The following HDAC4 variants were observed in gnomAD, a reference collection of about 807,000 sequenced individuals.
HDAC4 encodes the protein histone deacetylase 4.
HDAC4 carries 16 observed loss-of-function variants against 135.1 expected under a neutral mutation model. The ratio of observed to expected loss-of-function variants is 0.12; its 90% CI spans 0.08 to 0.18. The LOEUF is 0.18. HDAC4 is among the 10% of genes least tolerant of loss of function. HDAC4 has a pLI of 1.00. For missense variants in HDAC4, 1,143 were observed against 1,511.8 expected (o/e 0.76, Z 4.05); for synonymous variants, 685 against 653.4 (o/e 1.05, Z -0.74).
intron 1 of HDAC4, among the ~76,000 whole-genome samples, chr2:239,364,964 A>C (rs2125982103): frequency 6.6e-6 from 1 of 152,370 alleles, no homozygotes; most frequent in Middle Eastern, 3.4e-3. Flanking sequence ...AATGGAGAAA[A>C]AACAGGGAAT....
chr2:239,247,070 T>C (rs1022146000), intron 2 of HDAC4, among the ~76,000 whole-genome samples: 16 of 152,202 alleles, frequency 1.1e-4, no homozygotes, highest in African/African-American at 3.9e-4. Context: ...TCTGGATAGG[T>C]TCCCTTCAGT....
chr2:239,056,400 A>C (rs1328775383), intron 24 of HDAC4, among the ~76,000 whole-genome samples: 2 of 152,214 alleles, frequency 1.3e-5, no homozygotes, highest in Non-Finnish European at 2.9e-5. Context: ...TGGTGCTGGG[A>C]AATCAGGACG....
intron 6 of HDAC4, chr2:239,162,410 CTCCTG>C: frequency 2.2e-6 from 1 of 449,160 alleles, no homozygotes; most frequent in Admixed American, 2.4e-5. Context: ...ACGATCCACA[CTCCTG>C]TCCCTTGCTC....
intron 20 of HDAC4, among the ~76,000 whole-genome samples, chr2:239,082,806 T>C (rs1245764201): frequency 6.6e-6 from 1 of 152,078 alleles, no homozygotes; most frequent in Non-Finnish European, 1.5e-5. Flanking sequence ...AACCCACAGG[T>C]CAGATGCAGC....
intron 5 of HDAC4, among the ~76,000 whole-genome samples, chr2:239,164,942 G>A (rs1443576108): frequency 1.3e-5 from 2 of 152,158 alleles, no homozygotes; most frequent in African/African-American, 2.4e-5. Context: ...CTACACATAG[G>A]CCAGGCCCGA....
rs796852052 is a variant in HDAC4, at chr2:239,084,463, GCGCACA to G, written c.2445-227_2445-222del. On this transcript the variant is annotated intron_variant, in intron 19 of 26. Transcript: ENST00000543185. ...TGCAGACACACTCACACGCGTGCGC[GCGCACA>G]CACACACACACACACACACAGCTCC... Among the ~76,000 whole-genome samples the G allele has an allele frequency of 0.011, 1,544 of 146,916 alleles. 40 individuals are homozygous for G. The highest frequency in any genetic ancestry group is 0.036 in the African/African-American group (1,456 of 40,082).
At chr2:239,183,179 CTT>C (rs773574106) in intron 4 of HDAC4, among the ~76,000 whole-genome samples, 1 of 152,358 alleles carries the variant, frequency 6.6e-6, no homozygotes, top group Admixed American at 6.5e-5. Context: ...TCTAACCAGA[CTT>C]TAAGTTTACG....
Position 239,139,634 on chromosome 2 carries a change from C to T in HDAC4, c.978+50G>A, listed in dbSNP as rs774158223. On this transcript the variant is annotated intron_variant, in intron 9 of 26. Coordinates refer to ENST00000543185, the MANE Select transcript of HDAC4 (RefSeq NM_001378414.1). The surrounding 1 kb of genome is among the most constrained non-coding windows in gnomAD (Gnocchi z 5.3). The stretch of plus-strand genomic sequence containing the variant: ...GTGGGGTCATTTCAAGCTCATCCGT[C>T]CCGAGTCCGACTCTAGCCGTAGGAC... 1.1e-5 allele frequency: 17 copies of T among 1,516,714 alleles called. No homozygotes were observed. In the South Asian group the frequency reaches 1.7e-4, roughly 15 times the overall value. 94.0% of individuals were successfully genotyped at this position (1,516,714 alleles called of 1,614,324 possible).
chr2:239,058,666 G>A (rs765218230), intron 24 of HDAC4, among the ~76,000 whole-genome samples: 3 of 152,214 alleles, frequency 2.0e-5, no homozygotes, highest in Non-Finnish European at 4.4e-5. Flanking sequence ...AATTCATCAC[G>A]AAAGGGCATA....
At chr2:239,336,121 A>T (rs1302593704) in intron 2 of HDAC4, among the ~76,000 whole-genome samples, 1 of 152,236 alleles carries the variant, frequency 6.6e-6, no homozygotes, top group Non-Finnish European at 1.5e-5. Context: ...TAATCCAGAC[A>T]ATAAGAATAA....
At chr2:239,282,476 C>A (rs1478035200) in intron 2 of HDAC4, among the ~76,000 whole-genome samples, 1 of 148,398 alleles carries the variant, frequency 6.7e-6, no homozygotes, top group Non-Finnish European at 1.5e-5. Context: ...AATGTACACA[C>A]CACTCTACAC....
chr2:239,124,101 TC>T (rs1182403579), intron 12 of HDAC4, among the ~76,000 whole-genome samples: 3 of 152,140 alleles, frequency 2.0e-5, no homozygotes, highest in African/African-American at 4.8e-5. Context: ...TTCTCCACGT[TC>T]CCCTCCCATC....
At chr2:239,329,105 G>A (rs972970396) in intron 2 of HDAC4, among the ~76,000 whole-genome samples, 20 of 152,166 alleles carry the variant, frequency 1.3e-4, no homozygotes, top group Admixed American at 1.2e-3. Context: ...CCAGATGGAG[G>A]CAGGCGGCAT....
chr2:239,156,033 C>G (rs2042402444), intron 7 of HDAC4, among the ~76,000 whole-genome samples: 1 of 152,262 alleles, frequency 6.6e-6, no homozygotes, highest in Non-Finnish European at 1.5e-5. Context: ...AGGGTCCGTC[C>G]TGACTTGCCA....
intron 1 of HDAC4, among the ~76,000 whole-genome samples, chr2:239,375,188 G>A (rs529882631): frequency 2.0e-5 from 3 of 152,230 alleles, no homozygotes; most frequent in African/African-American, 2.4e-5. Flanking sequence ...GCCTGGGGCA[G>A]GGCAGCCACG....
At position 239,221,969 on chromosome 2, in the gene HDAC4, C is replaced by A. The variant is rs541208690; in HGVS notation, c.94+14624G>T. 2.6e-5 allele frequency among the ~76,000 whole-genome samples: 4 copies of A among 152,328 alleles called. No individual in the cohort carries two copies. The East Asian group carries it at 7.7e-4, about 29-fold the overall frequency. ...CAACGCAGCAAGCTTTACTCAAAAA[C>A]GTATTCCAAATTTGATTCGAACAGA... On this transcript the variant is annotated intron_variant, in intron 3 of 26. Coordinates refer to ENST00000543185, the MANE Select transcript of HDAC4 (RefSeq NM_001378414.1).
At position 239,367,035 on chromosome 2, in the gene HDAC4, C is replaced by T. The variant is rs114596367; in HGVS notation, c.-219-14117G>A. ...ACAGGCACTTGCGGATGGAAAACAA[C>T]CCTTTGACAAAAGACCCTATCGGCC... On this transcript the variant is annotated intron_variant, in intron 1 of 26. Transcript: ENST00000543185. Among the ~76,000 whole-genome samples, 972 of 136,848 alleles carry T rather than the reference C, an allele frequency of 7.1e-3. 19 individuals carry two copies. Among genetic ancestry groups the T allele is most frequent in the South Asian group, 0.017 (83 of 4,824 alleles). The allele number at this position is 136,848 out of a possible 152,430, so 89.8% of individuals were successfully genotyped here.
At chr2:239,389,380 C>T (rs1385838361) in intron 1 of HDAC4, among the ~76,000 whole-genome samples, 1 of 152,228 alleles carries the variant, frequency 6.6e-6, no homozygotes, top group Non-Finnish European at 1.5e-5. Context: ...CGAAGGTCCG[C>T]AGCTTCATTC....
At chr2:239,107,963 C>T in intron 15 of HDAC4, 87 bp downstream of exon 15, 2 of 1,552,992 alleles carry the variant, frequency 1.3e-6, no homozygotes, top group Non-Finnish European at 1.8e-6. Flanking sequence ...ACCTGCAAAA[C>T]CAACACCCTG....
Sources: gnomAD v4.1 joint callset for allele counts (sites outside exome capture counted in the v4.1 genomes callset) on GRCh38, gnomAD v4.1.1 for gene constraint, Gnocchi (gnomAD v3.1) non-coding constraint, MANE v1.5 for transcripts, NCBI Gene and HGNC (gene_info 2026-07-23, HGNC 2026-07-21) for gene names.